RGS12: variants seen among roughly 807,000 people sequenced by gnomAD.
RGS12 encodes regulator of G protein signaling 12, also known as regulator of G-protein signaling 12.
In RGS12, 66 loss-of-function variants were observed where a neutral mutation model predicts 120.1. The observed-to-expected ratio is 0.55, with a 90% CI of 0.45 to 0.67. RGS12 has a LOEUF of 0.67. Among genes scored for constraint, RGS12 ranks in the 30% least tolerant of loss-of-function variants. The pLI, the probability that RGS12 is intolerant of heterozygous loss-of-function variation, is 0.00. For missense variants in RGS12, 1,859 were observed against 1,957.7 expected (o/e 0.95, Z 0.95); for synonymous variants, 827 against 804.7 (o/e 1.03, Z -0.47).
At chr4:3,404,878 AAC>A (rs1012212621) in intron 4 of RGS12, among the ~76,000 whole-genome samples, 4 of 152,204 alleles carry the variant, frequency 2.6e-5, no homozygotes, top group Admixed American at 2.0e-4. Context: ...GAGTGGGAAA[AAC>A]ACAGGATGAA....
rs1725263361 is a variant in RGS12, at chr4:3,322,432, T to TA, written c.1881+4383dup. ...CAGCACAAGCTGGTTCTCATGGAGA[T>TA]AAGCATTCAGGCCTGTGACTAACAA... On this transcript the variant is annotated intron_variant, in intron 2 of 17. Coordinates refer to ENST00000336727, the MANE Select transcript of RGS12 (RefSeq NM_001394154.1). 3.3e-5 allele frequency among the ~76,000 whole-genome samples: 5 copies of TA among 152,334 alleles called. No individual in the cohort carries two copies. The South Asian group carries it at 8.3e-4, about 25-fold the overall frequency.
chr4:3,344,650 C>T (rs939974910), intron 3 of RGS12, among the ~76,000 whole-genome samples: 1 of 152,188 alleles, frequency 6.6e-6, no homozygotes, highest in African/African-American at 2.4e-5. Context: ...TGGGTGTGCC[C>T]CATGCCAGGG....
intron 3 of RGS12, among the ~76,000 whole-genome samples, chr4:3,367,943 T>G (rs1479706301): frequency 6.6e-6 from 1 of 152,244 alleles, no homozygotes; most frequent in Non-Finnish European, 1.5e-5. Flanking sequence ...GTAGACAATG[T>G]GAAATTGTGT....
At chr4:3,377,038 G>A (rs1206853265) in intron 3 of RGS12, among the ~76,000 whole-genome samples, 1 of 151,078 alleles carries the variant, frequency 6.6e-6, no homozygotes, top group African/African-American at 2.4e-5. Flanking sequence ...TTGAGACAGG[G>A]TCTCACTCTG....
rs185316804 is a variant in RGS12 at position 3,314,408 on chromosome 4, T to C, written c.-101-1662T>C. The C allele has an allele frequency of 1.2e-3, 187 of 152,382 alleles. 1 individual carries two copies. The highest frequency in any genetic ancestry group is 4.2e-3 in the African/African-American group (173 of 41,596). The allele number at this position is 152,382 out of a possible 1,614,324, so 9.4% of individuals were successfully genotyped here. On this transcript the variant is annotated intron_variant, in intron 1 of 17. Transcript: ENST00000336727. Reference sequence around the variant, plus strand: ...TTTAAAACAATTATTTATTTTATTTTATTTTATTTTTTGAGACAGAGTCTC... The same window carrying C: ...TTTAAAACAATTATTTATTTTATTTCATTTTATTTTTTGAGACAGAGTCTC...
intron 3 of RGS12, among the ~76,000 whole-genome samples, chr4:3,363,018 C>T (rs1333356800): frequency 1.3e-5 from 2 of 148,978 alleles, no homozygotes; most frequent in Non-Finnish European, 3.0e-5. Context: ...TCTGTGAGTG[C>T]ATGGCAAGGC....
chr4:3,331,218 A>G (rs753753208), intron 2 of RGS12, among the ~76,000 whole-genome samples: 4 of 152,230 alleles, frequency 2.6e-5, no homozygotes, highest in East Asian at 1.9e-4. Flanking sequence ...AAAGAAACCT[A>G]TACATTTTAA....
Position 3,428,662 on chromosome 4 carries a change from A to C in RGS12, c.3516A>C (p.Ala1172=), listed in dbSNP as rs1318200301. Residue 1172 remains alanine, a synonymous_variant, in exon 16 of 18, where the codon GCA becomes GCC. Transcript: ENST00000336727. ...PRLSKREESI[A]KIGKKKYQKI... The stretch of plus-strand genomic sequence containing the variant: ...TTTCAAAGAGAGAAGAATCTATTGC[A>C]AAGATTGGGAAAAAAAAATATCAGA... 1 of 1,598,500 alleles carries C rather than the reference A, an allele frequency of 6.3e-7. No homozygotes were observed. The highest frequency in any genetic ancestry group is 2.2e-5 in the East Asian group (1 of 44,842).
Position 3,389,055 on chromosome 4 carries a change from C to T in RGS12, c.2020+2618C>T, listed in dbSNP as rs1010510427. Among the ~76,000 whole-genome samples, 1 of 152,146 alleles carries T rather than the reference C, an allele frequency of 6.6e-6. No homozygotes were observed. Among genetic ancestry groups the T allele is most frequent in the African/African-American group, 2.4e-5 (1 of 41,416 alleles). On this transcript the variant is annotated intron_variant, in intron 4 of 17. Coordinates refer to ENST00000336727, the MANE Select transcript of RGS12 (RefSeq NM_001394154.1). The surrounding 1 kb of genome is among the most constrained non-coding windows in gnomAD (Gnocchi z 5.2). ...AACGAGCCGTGCCAGTGAGAGAGTT[C>T]GTGTTCATGCCACGGTTTCATTCTG...
chr4:3,364,965 A>C (rs1164681718), intron 3 of RGS12, among the ~76,000 whole-genome samples: 1 of 152,086 alleles, frequency 6.6e-6, no homozygotes, highest in Non-Finnish European at 1.5e-5. Context: ...TACACAAGGC[A>C]GGCAGAATCC....
At chr4:3,296,518 C>T (rs1723391728) in intron 1 of RGS12, among the ~76,000 whole-genome samples, 1 of 152,216 alleles carries the variant, frequency 6.6e-6, no homozygotes, top group African/African-American at 2.4e-5. Context: ...GTTCAAATTT[C>T]CAGGATAATC....
At position 3,307,656 on chromosome 4, in the gene RGS12, G is replaced by A. The variant is rs74734173; in HGVS notation, c.-101-8414G>A. Among the ~76,000 whole-genome samples the A allele has an allele frequency of 2.0e-3, 307 of 152,318 alleles. 1 individual carries two copies. Among genetic ancestry groups the A allele is most frequent in the African/African-American group, 4.0e-3 (168 of 41,590 alleles). On this transcript the variant is annotated intron_variant, in intron 1 of 17. Coordinates refer to ENST00000336727, the MANE Select transcript of RGS12 (RefSeq NM_001394154.1). The stretch of plus-strand genomic sequence containing the variant: ...GATCGCGCACCTGCCCTGGGCCGTG[G>A]GTGTGCCAGCCTCGAGGCCTCGTGG...
intron 10 of RGS12, among the ~76,000 whole-genome samples, chr4:3,421,408 A>G (rs975842045): frequency 1.3e-5 from 2 of 152,252 alleles, no homozygotes; most frequent in Non-Finnish European, 2.9e-5. Flanking sequence ...AGGATTTACC[A>G]GGTATCAGTT....
rs781324760 is a variant in RGS12, at chr4:3,342,909, A to G, written c.1882-28A>G. 6.2e-6 allele frequency: 9 copies of G among 1,463,288 alleles called. No homozygotes were observed. The African/African-American group carries it at 1.3e-4, about 20-fold the overall frequency. 90.6% of individuals were successfully genotyped at this position (1,463,288 alleles called of 1,614,324 possible). A position where few individuals can be genotyped will look rare whatever the true frequency, so the allele number is the denominator to read the frequency against. ...CTAAACATCTCTTTGCAAAAGAATAACCTGATGCCTTTTTTCTTCGTGTTT... is the reference window on the plus strand; with the variant it reads ...CTAAACATCTCTTTGCAAAAGAATAGCCTGATGCCTTTTTTCTTCGTGTTT... On this transcript the variant is annotated intron_variant, in intron 2 of 17. Transcript: ENST00000336727.
chr4:3,391,731 GGCC>G (rs10540583), intron 4 of RGS12, among the ~76,000 whole-genome samples: 4 of 142,928 alleles, frequency 2.8e-5, no homozygotes, highest in African/African-American at 1.2e-4. Context: ...CGTGTTTGGG[GGCC>G]TCGTCAGAGA....
Position 3,359,421 on chromosome 4 carries a change from C to T in RGS12, c.1998+16368C>T, listed in dbSNP as rs75399426. On this transcript the variant is annotated intron_variant, in intron 3 of 17. Transcript: ENST00000336727. ...CCCCCTCCTCCCCCTTCTCCTCCCC[C>T]TTCTCTTCCTCCTCCCTCTCCCCCT... Among the ~76,000 whole-genome samples, 138 of 15,584 alleles carry T rather than the reference C, an allele frequency of 8.9e-3. 9 individuals carry two copies. Among genetic ancestry groups the T allele is most frequent in the African/African-American group, 0.05 (126 of 2,526 alleles). 10.2% of individuals were successfully genotyped at this position (15,584 alleles called of 152,430 possible). A position where few individuals can be genotyped will look rare whatever the true frequency, so the allele number is the denominator to read the frequency against.
rs79640085 is a variant in RGS12, at chr4:3,316,191, C to G, written c.21C>G (p.Ala7=). The part of the protein sequence containing the change: MFRAGE[A]SKRPLPGPSP... The stretch of plus-strand genomic sequence containing the variant: ...TCAGAATGTTTAGAGCTGGGGAGGC[C>G]TCCAAACGCCCATTGCCTGGGCCGT... Residue 7 remains alanine (A), a synonymous_variant, in exon 2 of 18, where the codon GCC becomes GCG. Transcript: ENST00000336727. 16,921 of 1,575,466 alleles carry G rather than the reference C, an allele frequency of 0.011. 651 individuals carry two copies. The African/African-American group carries it at 0.13, about 12-fold the overall frequency.
intron 2 of RGS12, among the ~76,000 whole-genome samples, chr4:3,326,007 G>A (rs1725531862): frequency 6.6e-6 from 1 of 152,078 alleles, no homozygotes; most frequent in Non-Finnish European, 1.5e-5. Context: ...ACAAAATATA[G>A]AAGGAATATA....
chr4:3,353,197 A>G (rs1294028951), intron 3 of RGS12, among the ~76,000 whole-genome samples: 1 of 152,136 alleles, frequency 6.6e-6, no homozygotes, highest in East Asian at 1.9e-4. Flanking sequence ...ACTTTGCTGG[A>G]GGGTGGGAGG....
Sources: allele counts gnomAD v4.1 joint callset (sites outside exome capture counted in the v4.1 genomes callset), GRCh38; gene constraint gnomAD v4.1.1; non-coding constraint Gnocchi (gnomAD v3.1); transcripts MANE v1.5; gene names NCBI Gene and HGNC (gene_info 2026-07-23, HGNC 2026-07-21).